LPAR2: variants seen among roughly 807,000 people sequenced by gnomAD.
LPAR2 encodes the protein G protein-coupled receptor.
A neutral mutation model predicts 15.6 loss-of-function variants in LPAR2; 10 were observed. The observed-to-expected ratio is 0.64, with a 90% CI of 0.39 to 1.09. The LOEUF (loss-of-function observed/expected upper bound fraction) is 1.09. Among genes scored for constraint, LPAR2 ranks in the 50% least tolerant of loss-of-function variants. The pLI, the probability that LPAR2 is intolerant of heterozygous loss-of-function variation, is 0.01. For synonymous variants in LPAR2, 204 were observed against 207.4 expected (o/e 0.98, Z 0.14); for missense variants, 413 against 484.6 (o/e 0.85, Z 1.39).
intron 2 of LPAR2, among the ~76,000 whole-genome samples, chr19:19,625,392 C>G (rs111272972): frequency 6.6e-6 from 1 of 151,332 alleles, no homozygotes; most frequent in Non-Finnish European, 1.5e-5. Context: ...CACCTGAGCC[C>G]GGAAGGTTGA....
intron 2 of LPAR2, 64 bp from the exon 3 acceptor site, chr19:19,624,633 G>A: frequency 2.1e-6 from 3 of 1,417,594 alleles, no homozygotes; most frequent in South Asian, 2.6e-5. Context: ...ACAGCTCTCA[G>A]TTTGGGGTTG....
Position 19,626,414 on chromosome 19 carries a change from G to A in LPAR2, c.742+129C>T. The A allele has an allele frequency of 1.7e-6, 2 of 1,183,708 alleles. No individual in the cohort carries two copies. Among genetic ancestry groups the A allele is most frequent in the Admixed American group, 2.3e-5 (1 of 43,926 alleles). The allele number at this position is 1,183,708 out of a possible 1,614,324, so 73.3% of individuals were successfully genotyped here. Reference sequence around the variant, plus strand: ...TCACATACATTATCACCTCCTTGGAGGACATTCCCCACCTAAATCATCCCC... The same window carrying A: ...TCACATACATTATCACCTCCTTGGAAGACATTCCCCACCTAAATCATCCCC... On this transcript the variant is annotated intron_variant, in intron 2 of 2. Coordinates refer to ENST00000407877, the MANE Select transcript of LPAR2 (RefSeq NM_004720.7). This position sits in a 1 kb window ranked among gnomAD's most constrained non-coding sequence, Gnocchi z 5.3.
Position 19,625,770 on chromosome 19 carries a change from G to C in LPAR2, c.742+773C>G, listed in dbSNP as rs182477159. Among the ~76,000 whole-genome samples, 1,050 of 134,406 alleles carry C rather than the reference G, an allele frequency of 7.8e-3. 16 individuals carry two copies. The highest frequency in any genetic ancestry group is 0.027 in the African/African-American group (1,002 of 36,904). 88.2% of individuals were successfully genotyped at this position (134,406 alleles called of 152,430 possible). On this transcript the variant is annotated intron_variant, in intron 2 of 2. Coordinates refer to ENST00000407877, the MANE Select transcript of LPAR2 (RefSeq NM_004720.7). The stretch of plus-strand genomic sequence containing the variant: ...TGCACTCCAGCCTGGGTGACAGAGC[G>C]AGACTCTGTCTCAAAAAAAAAAAAA...
In LPAR2 at chr19:19,624,331, G is replaced by A. The variant is rs756898739; in HGVS notation, c.981C>T (p.Ser327=). ...GAGTGCTGGCACCTCCCTGGGCAGA[G>A]GATGTATAGTGGACAGACTCGCGGG... The change falls in exon 3 of 3, where the codon TCC becomes TCT. Residue 327 remains serine (S), a synonymous_variant. Coordinates refer to ENST00000407877, the MANE Select transcript of LPAR2 (RefSeq NM_004720.7). 7 of 1,614,130 alleles carry A rather than the reference G, an allele frequency of 4.3e-6. No homozygotes were observed. The highest frequency in any genetic ancestry group is 3.3e-5 in the South Asian group (3 of 91,090).
intron 1 of LPAR2, 62 bp downstream of exon 1, chr19:19,628,030 G>C (rs535439282): frequency 5.9e-5 from 9 of 152,720 alleles, no homozygotes; most frequent in African/African-American, 2.2e-4. Flanking sequence ...GCAGGCACGT[G>C]CCGCGCCCTT....
At position 19,624,085 on chromosome 19, in the gene LPAR2, T is replaced by C; in HGVS notation, c.*171A>G. On this transcript the variant is annotated 3_prime_UTR_variant, in exon 3 of 3. Coordinates refer to ENST00000407877, the MANE Select transcript of LPAR2 (RefSeq NM_004720.7). ...AGTGGGAGATGACCCAAAGCCCCCA[T>C]TCCCTGGGCAGAGTGGTGTGCCTGG... The C allele has an allele frequency of 1.5e-6, 1 of 688,838 alleles. No homozygotes were observed. The highest frequency in any genetic ancestry group is 2.5e-5 in the East Asian group (1 of 39,966). The allele number at this position is 688,838 out of a possible 1,614,324, so 42.7% of individuals were successfully genotyped here.
Position 19,627,280 on chromosome 19 carries a change from A to G in LPAR2, c.5T>C (p.Val2Ala), listed in dbSNP as rs1285490078. 2 of 1,598,972 alleles carry G rather than the reference A, an allele frequency of 1.3e-6. No homozygotes were observed. Among genetic ancestry groups the G allele is most frequent in the Admixed American group, 3.3e-5 (2 of 59,906 alleles). Reference sequence around the variant, plus strand: ...GTTGTAGTAGCACTGGCCCATGATGACCATCTGGGGACACAAGAGATCAGT... The same window carrying G: ...GTTGTAGTAGCACTGGCCCATGATGGCCATCTGGGGACACAAGAGATCAGT... The change falls in exon 2 of 3, where the codon GTC becomes GCC. Residue 2 changes from valine (V) to alanine (A), a missense_variant. Transcript: ENST00000407877. This position sits in a 1 kb window ranked among gnomAD's most constrained non-coding sequence, Gnocchi z 4.7.
At chr19:19,625,901 G>A (rs1349481051) in intron 2 of LPAR2, among the ~76,000 whole-genome samples, 3 of 131,206 alleles carry the variant, frequency 2.3e-5, no homozygotes, top group Non-Finnish European at 4.7e-5. Context: ...CTGAGACAGA[G>A]TTCTGGAGTT....
Position 19,626,666 on chromosome 19 carries a change from CAGCCACCATG to C in LPAR2, c.609_618del (p.Met204CysfsTer60). 1 of 1,613,556 alleles carries C rather than the reference CAGCCACCATG, an allele frequency of 6.2e-7. No individual in the cohort carries two copies. The highest frequency in any genetic ancestry group is 1.3e-5 in the African/African-American group (1 of 75,052). On this transcript the variant is annotated frameshift_variant, in exon 2 of 3. Coordinates refer to ENST00000407877, the MANE Select transcript of LPAR2 (RefSeq NM_004720.7). LOFTEE classifies it high-confidence loss of function. The surrounding 1 kb of genome is among the most constrained non-coding windows in gnomAD (Gnocchi z 5.3). ...ACGTAGAAGAAAATGCGGGTGTACA[CAGCCACCATG>C]AGCAGGAAGACAAGCAGGCTCGACA...
Position 19,626,141 on chromosome 19 carries a change from C to T in LPAR2, c.742+402G>A, listed in dbSNP as rs887698680. Among the ~76,000 whole-genome samples the T allele has an allele frequency of 6.6e-5, 10 of 152,008 alleles. No individual in the cohort carries two copies. The highest frequency in any genetic ancestry group is 1.7e-4 in the African/African-American group (7 of 41,428). On this transcript the variant is annotated intron_variant, in intron 2 of 2. Transcript: ENST00000407877. This position sits in a 1 kb window ranked among gnomAD's most constrained non-coding sequence, Gnocchi z 5.3. ...CAGCTGATCTGCCCGCCTCGGCCTC[C>T]CAAAGTGCTGGGATTACAGGCGTGA...
intron 2 of LPAR2, among the ~76,000 whole-genome samples, chr19:19,625,080 G>A (rs1168997177): frequency 2.0e-5 from 3 of 151,504 alleles, no homozygotes; most frequent in African/African-American, 4.9e-5. Context: ...TCAGCCTCCC[G>A]AAGTGTTGGG....
rs1391435541 is a variant in LPAR2, at chr19:19,626,972, A to G, written c.313T>C (p.Phe105Leu). 6.2e-7 allele frequency: 1 copy of G among 1,612,746 alleles called. No individual in the cohort carries two copies. The change falls in exon 2 of 3, where the codon TTC becomes CTC. Residue 105 changes from phenylalanine to leucine, a missense_variant. Coordinates refer to ENST00000407877, the MANE Select transcript of LPAR2 (RefSeq NM_004720.7). The surrounding 1 kb of genome is among the most constrained non-coding windows in gnomAD (Gnocchi z 5.3). Reference sequence around the variant, plus strand: ...GTGTCCAGCAAGCCCTGCCGCAGGAACCAGCCCTCAAGTGAAAGTCGGGCT... The same window carrying G: ...GTGTCCAGCAAGCCCTGCCGCAGGAGCCAGCCCTCAAGTGAAAGTCGGGCT...
At position 19,626,894 on chromosome 19, in the gene LPAR2, G is replaced by A. The variant is rs775507251; in HGVS notation, c.391C>T (p.Arg131Cys). The stretch of plus-strand genomic sequence containing the variant: ...TGCAGCTGCACGGCCATCACACTGC[G>A]GTGCCGCTCCACGGCGATGGCCAGC... Residue 131 changes from arginine to cysteine, a missense_variant, in exon 2 of 3, where the codon CGC becomes TGC. By Grantham distance (180) the Arg-to-Cys change is radical. Coordinates refer to ENST00000407877, the MANE Select transcript of LPAR2 (RefSeq NM_004720.7). This position sits in a 1 kb window ranked among gnomAD's most constrained non-coding sequence, Gnocchi z 5.3. 5 of 1,598,502 alleles carry A rather than the reference G, an allele frequency of 3.1e-6. No individual in the cohort carries two copies. The highest frequency in any genetic ancestry group is 3.4e-6 in the Non-Finnish European group (4 of 1,173,418).
At chr19:19,625,392 C>T (rs111272972) in intron 2 of LPAR2, among the ~76,000 whole-genome samples, 13 of 151,450 alleles carry the variant, frequency 8.6e-5, no homozygotes, top group Non-Finnish European at 1.5e-4. Flanking sequence ...CACCTGAGCC[C>T]GGAAGGTTGA....
Position 19,624,317 on chromosome 19 carries a change from C to A in LPAR2, c.995G>T (p.Gly332Val), listed in dbSNP as rs1283432298. 6.2e-7 allele frequency: 1 copy of A among 1,613,370 alleles called. No individual in the cohort carries two copies. The highest frequency in any genetic ancestry group is 8.5e-7 in the Non-Finnish European group (1 of 1,179,414). Residue 332 changes from glycine to valine, a missense_variant, in exon 3 of 3, where the codon GGT becomes GTT. By Grantham distance (109) the Gly-to-Val change is moderately radical. Coordinates refer to ENST00000407877, the MANE Select transcript of LPAR2 (RefSeq NM_004720.7). ...GGGAAGCATGATGCGAGTGCTGGCA[C>A]CTCCCTGGGCAGAGGATGTATAGTG...
At chr19:19,625,179 C>T (rs34316070) in intron 2 of LPAR2, among the ~76,000 whole-genome samples, 28,122 of 151,754 alleles carry the variant, frequency 0.19, 3,276 homozygotes, top group East Asian at 0.32. Flanking sequence ...TGCAGTGGCA[C>T]GATCACACCT....
chr19:19,626,995 G>A lies in LPAR2; in HGVS notation c.290C>T (p.Ala97Val). Residue 97 changes from alanine to valine, a missense_variant, in exon 2 of 3, where the codon GCC (alanine) becomes GTC (valine). Physicochemically the swap from Ala to Val is moderately conservative, Grantham distance 64 (BLOSUM62 0). Transcript: ENST00000407877. This position sits in a 1 kb window ranked among gnomAD's most constrained non-coding sequence, Gnocchi z 5.3. The stretch of plus-strand genomic sequence containing the variant: ...GAACCAGCCCTCAAGTGAAAGTCGG[G>A]CTGTGCGGGGACCAGTGTGGAACAT... 1 of 1,613,628 alleles carries A rather than the reference G, an allele frequency of 6.2e-7. No individual in the cohort carries two copies. Among genetic ancestry groups the A allele is most frequent in the Non-Finnish European group, 8.5e-7 (1 of 1,179,936 alleles).
chr19:19,627,961 G>A lies in LPAR2; in HGVS notation c.-1+131C>T, dbSNP rs2061751881. 1 of 153,444 alleles carries A rather than the reference G, an allele frequency of 6.5e-6. No homozygotes were observed. Among genetic ancestry groups the A allele is most frequent in the Admixed American group, 6.5e-5 (1 of 15,380 alleles). The allele number at this position is 153,444 out of a possible 1,614,324, so 9.5% of individuals were successfully genotyped here. A position where few individuals can be genotyped will look rare whatever the true frequency, so the allele number is the denominator to read the frequency against. ...GGGATGGATGGCCGGGCCTCCAGGC[G>A]TCTCCAGACTGGGGAAGGGGTAGGG... On this transcript the variant is annotated intron_variant, in intron 1 of 2. Coordinates refer to ENST00000407877, the MANE Select transcript of LPAR2 (RefSeq NM_004720.7). This position sits in a 1 kb window ranked among gnomAD's most constrained non-coding sequence, Gnocchi z 4.7.
chr19:19,624,615 C>T (rs368879949), intron 2 of LPAR2, 46 bp from the exon 3 acceptor site: 19 of 1,491,790 alleles, frequency 1.3e-5, no homozygotes, highest in East Asian at 4.5e-5. Context: ...GTCAGAGGCC[C>T]GGCACCTACA....
Sources: gnomAD v4.1 joint callset for allele counts (sites outside exome capture counted in the v4.1 genomes callset) on GRCh38, gnomAD v4.1.1 for gene constraint, Gnocchi (gnomAD v3.1) non-coding constraint, MANE v1.5 for transcripts, NCBI Gene and HGNC (gene_info 2026-07-23, HGNC 2026-07-21) for gene names.